TSPAN1: variants seen among roughly 807,000 people sequenced by gnomAD.
TSPAN1 encodes the protein tetraspanin-1.
In TSPAN1, 23 loss-of-function variants were observed where a neutral mutation model predicts 26.9. The ratio of observed to expected loss-of-function variants is 0.85; its 90% CI spans 0.62 to 1.21. TSPAN1 has a LOEUF of 1.21. Ranked by LOEUF, TSPAN1 falls within the 50% of genes most tolerant of loss-of-function variation. The probability of loss-of-function intolerance (pLI) is 0.00; values close to 1 mark genes in which losing one functional copy is unlikely to be tolerated. For synonymous variants in TSPAN1, 115 were observed against 114.8 expected (o/e 1.00, Z -0.01); for missense variants, 283 against 298.4 (o/e 0.95, Z 0.38).
rs530889600 is a variant in TSPAN1 at position 46,184,522 on chromosome 1, G to C, written c.265-72G>C. 3.9e-5 allele frequency: 62 copies of C among 1,605,826 alleles called. 1 individual carries two copies. The highest frequency in any genetic ancestry group is 2.9e-4 in the East Asian group (13 of 44,782). On this transcript the variant is annotated intron_variant, in intron 4 of 8. Transcript: ENST00000372003. ...TCAGGCTTCTGTCTCACTTTTCCGG[G>C]GGGGGGATTAGGGCAAGGAGGGCAT...
chr1:46,186,695 G>A (rs187099308), downstream of TSPAN1, among the ~76,000 whole-genome samples: 384 of 114,326 alleles, frequency 3.4e-3, 1 homozygote, highest in African/African-American at 0.012. Flanking sequence ...AGAGAGTCTC[G>A]CTGTCGCCCA....
the TSPAN1 span, chr1:46,192,047 T>C: frequency 6.4e-7 from 1 of 1,571,068 alleles, no homozygotes; most frequent in East Asian, 2.2e-5. Flanking sequence ...TCCATGTTCT[T>C]GTTCTTGACT....
intron 1 of TSPAN1, among the ~76,000 whole-genome samples, chr1:46,178,397 C>G (rs959459453): frequency 6.6e-6 from 1 of 151,606 alleles, no homozygotes; most frequent in African/African-American, 2.4e-5. Context: ...TTCCACTCCT[C>G]AGTCCCTTCT....
At chr1:46,176,196 C>G in intron 1 of TSPAN1, 1 of 1,533,918 alleles carries the variant, frequency 6.5e-7, no homozygotes, top group Non-Finnish European at 8.7e-7. Context: ...TTTTTTAAAA[C>G]CCCACCCTGG....
downstream of TSPAN1, among the ~76,000 whole-genome samples, chr1:46,188,387 G>A (rs1657489492): frequency 6.6e-6 from 1 of 152,152 alleles, no homozygotes; most frequent in African/African-American, 2.4e-5. Flanking sequence ...GGGGACAGGT[G>A]CCCGGCCCAG....
intron 1 of TSPAN1, chr1:46,176,355 G>A: frequency 1.3e-6 from 2 of 1,535,758 alleles, no homozygotes; most frequent in Non-Finnish European, 1.7e-6. Flanking sequence ...GATATCTTCT[G>A]CGGCTACACT....
intron 2 of TSPAN1, 79 bp downstream of exon 2, chr1:46,180,737 G>A: frequency 3.9e-6 from 1 of 258,390 alleles, no homozygotes. Flanking sequence ...AGGGGCTCTA[G>A]TGAGGGTTCT....
At chr1:46,195,349 T>C in the TSPAN1 span, 15 of 376,424 alleles carry the variant, frequency 4.0e-5, no homozygotes, top group African/African-American at 2.9e-4. Flanking sequence ...TGGAATGCTC[T>C]TCCTCCAGAT....
At chr1:46,176,621 A>G (rs537017961) in intron 1 of TSPAN1, 49 of 995,178 alleles carry the variant, frequency 4.9e-5, no homozygotes, top group African/African-American at 3.1e-4. Context: ...CTCCTTCACA[A>G]TCTTCTTTAT....
chr1:46,193,652 G>C, the TSPAN1 span: 1 of 1,614,084 alleles, frequency 6.2e-7, no homozygotes, highest in Non-Finnish European at 8.5e-7. Flanking sequence ...GGGGAGCCCA[G>C]GGATAGGTTA....
chr1:46,196,053 G>A, the TSPAN1 span: 2 of 1,614,012 alleles, frequency 1.2e-6, no homozygotes, highest in Non-Finnish European at 1.7e-6. The surrounding 1 kb of genome is among the most constrained non-coding windows in gnomAD (Gnocchi z 4.4). Flanking sequence ...CCCCGGCCCT[G>A]CTCCCGGGCC....
chr1:46,194,478 A>G, the TSPAN1 span: 69 of 1,614,018 alleles, frequency 4.3e-5, no homozygotes, highest in Non-Finnish European at 5.3e-5. Context: ...AATCAAAGGA[A>G]TAAAGCTCCA....
Position 46,185,290 on chromosome 1 carries a change from TGG to T in TSPAN1, c.661_662del (p.Gly221AsnfsTer53). On this transcript the variant is annotated frameshift_variant, in exon 8 of 9. Coordinates refer to ENST00000372003, the MANE Select transcript of TSPAN1 (RefSeq NM_005727.4). LOFTEE classifies it high-confidence loss of function. ...NAVTVGGVAA[G>X]IGGLELAAMI... ...CAGTCACCGTGGGTGGTGTGGCAGC[TGG>T]AATTGGGGGCCTCGAGGTAAGCAGA... is the stretch of plus-strand genomic sequence containing the variant. 6.2e-7 allele frequency: 1 copy of T among 1,614,104 alleles called. No homozygotes were observed.
chr1:46,177,348 A>AAT (rs1052236775), intron 1 of TSPAN1, among the ~76,000 whole-genome samples: 1 of 100,034 alleles, frequency 1.0e-5, no homozygotes, highest in African/African-American at 4.0e-5. Context: ...AAAAAAAAAA[A>AAT]ATATATCTAT....
At chr1:46,195,734 G>C in the TSPAN1 span, 1 of 1,268,448 alleles carries the variant, frequency 7.9e-7, no homozygotes, top group East Asian at 2.5e-5. Flanking sequence ...TATGTTATAT[G>C]AGGGGCAGAG....
At chr1:46,195,619 A>C in the TSPAN1 span, 2 of 666,398 alleles carry the variant, frequency 3.0e-6, no homozygotes, top group East Asian at 2.8e-5. Context: ...CACCCAGAGA[A>C]GTACCTGGCA....
At position 46,185,033 on chromosome 1, in the gene TSPAN1, C is replaced by A; in HGVS notation, c.512C>A (p.Pro171His). ...SPYFKENSAF[P>H]PFCCNDNVTN... ...TACTTCAAAGAGAACAGTGCCTTTC[C>A]CCCATTCTGTTGCAATGACAACGTC... is the stretch of plus-strand genomic sequence containing the variant. The change falls in exon 7 of 9, where the codon CCC becomes CAC. Residue 171 changes from proline to histidine, a missense_variant. By Grantham distance (77) the Pro-to-His change is moderately conservative. Coordinates refer to ENST00000372003, the MANE Select transcript of TSPAN1 (RefSeq NM_005727.4). 1 of 1,614,138 alleles carries A rather than the reference C, an allele frequency of 6.2e-7. No homozygotes were observed. The highest frequency in any genetic ancestry group is 8.5e-7 in the Non-Finnish European group (1 of 1,180,026).
the TSPAN1 span, chr1:46,195,372 C>T: frequency 2.7e-6 from 1 of 376,194 alleles, no homozygotes; most frequent in East Asian, 6.6e-5. Context: ...TCACCTGGCT[C>T]ACTCCTCAAT....
At chr1:46,190,120 A>G (rs1045903124), downstream of TSPAN1, 77 of 982,356 alleles carry the variant, frequency 7.8e-5, no homozygotes, top group Non-Finnish European at 1.1e-4. Context: ...TTTTTTTGAG[A>G]TGGAGTCTTG....
Sources: gnomAD v4.1 joint callset for allele counts (sites outside exome capture counted in the v4.1 genomes callset) on GRCh38, gnomAD v4.1.1 for gene constraint, Gnocchi (gnomAD v3.1) non-coding constraint, MANE v1.5 for transcripts, NCBI Gene and HGNC (gene_info 2026-07-23, HGNC 2026-07-21) for gene names.